RBFOX1: variants seen among roughly 807,000 people sequenced by gnomAD.
RBFOX1 encodes the protein RNA binding protein fox-1 homolog 1.
Under a neutral mutation model 57.7 loss-of-function variants are expected in RBFOX1, and 8 were observed. The observed-to-expected ratio is 0.14, with a 90% confidence interval of 0.08 to 0.25. The LOEUF (loss-of-function observed/expected upper bound fraction) is 0.25. Among genes scored for constraint, RBFOX1 ranks in the 10% least tolerant of loss-of-function variants. The probability of loss-of-function intolerance (pLI) is 1.00; values close to 1 mark genes in which losing one functional copy is unlikely to be tolerated. For synonymous variants in RBFOX1, 326 were observed against 222.4 expected (o/e 1.47, Z -4.15); for missense variants, 611 against 548.5 (o/e 1.11, Z -1.14).
intron 1 of RBFOX1, among the ~76,000 whole-genome samples, chr16:5,265,143 C>G (rs2062827555): frequency 6.6e-6 from 1 of 152,264 alleles, no homozygotes; most frequent in African/African-American, 2.4e-5. Flanking sequence ...ATCTGAGAAT[C>G]TGTAGCTTAG....
intron 3 of RBFOX1, among the ~76,000 whole-genome samples, chr16:6,850,481 T>C (rs2094003127): frequency 6.6e-6 from 1 of 151,990 alleles, no homozygotes; most frequent in Admixed American, 6.6e-5. Context: ...AGGAGACTGA[T>C]TGCCTAAGGT....
intron 5 of RBFOX1, among the ~76,000 whole-genome samples, chr16:7,520,967 C>G (rs1413158375): frequency 1.3e-5 from 2 of 152,170 alleles, no homozygotes; most frequent in Non-Finnish European, 2.9e-5. Context: ...ACAAAATGAT[C>G]TTTACCTCTT....
At chr16:5,938,743 C>T (rs954449092) in intron 4 of RBFOX1, among the ~76,000 whole-genome samples, 1 of 152,144 alleles carries the variant, frequency 6.6e-6, no homozygotes, top group African/African-American at 2.4e-5. Flanking sequence ...TCACAACCTC[C>T]ATAAACAGTC....
chr16:7,528,122 C>G (rs763419352), intron 5 of RBFOX1, among the ~76,000 whole-genome samples: 1 of 152,148 alleles, frequency 6.6e-6, no homozygotes, highest in Non-Finnish European at 1.5e-5. Flanking sequence ...CCAAGGACAT[C>G]TTGCTTTTGC....
At chr16:6,230,310 A>C (rs2152901465) in intron 1 of RBFOX1, among the ~76,000 whole-genome samples, 1 of 152,290 alleles carries the variant, frequency 6.6e-6, no homozygotes, top group East Asian at 1.9e-4. Context: ...AACTCAGTTA[A>C]TAATTATAAC....
At chr16:5,762,819 C>T (rs144263636) in intron 3 of RBFOX1, among the ~76,000 whole-genome samples, 1 of 152,044 alleles carries the variant, frequency 6.6e-6, no homozygotes, top group Non-Finnish European at 1.5e-5. Context: ...TTTCTGATTC[C>T]TCAAGTGAAA....
chr16:5,740,071 C>T (rs1186311253), intron 3 of RBFOX1, among the ~76,000 whole-genome samples: 1 of 152,054 alleles, frequency 6.6e-6, no homozygotes. Flanking sequence ...AACAGAAGCC[C>T]AACGCTTGTT....
intron 12 of RBFOX1, among the ~76,000 whole-genome samples, chr16:7,662,872 G>A (rs1245992377): frequency 2.0e-5 from 3 of 152,240 alleles, no homozygotes; most frequent in Non-Finnish European, 4.4e-5. Flanking sequence ...AGGTTCAGAT[G>A]TCTCAAGTAA....
At chr16:7,097,935 T>C (rs2061977766) in intron 4 of RBFOX1, among the ~76,000 whole-genome samples, 1 of 152,284 alleles carries the variant, frequency 6.6e-6, no homozygotes, top group South Asian at 2.1e-4. Context: ...CACTTTTGGT[T>C]GAGGATCAGA....
At chr16:6,847,619 A>G (rs1053546319) in intron 3 of RBFOX1, among the ~76,000 whole-genome samples, 2 of 152,096 alleles carry the variant, frequency 1.3e-5, no homozygotes, top group African/African-American at 4.8e-5. Flanking sequence ...AAGGGACGTG[A>G]AGAATGGAAG....
intron 2 of RBFOX1, among the ~76,000 whole-genome samples, chr16:6,322,747 G>C (rs558543816): frequency 3.3e-5 from 5 of 152,294 alleles, no homozygotes; most frequent in Admixed American, 3.3e-4. Context: ...GGAAGTGGAA[G>C]AGGTTAAAAG....
chr16:7,097,810 A>G (rs1013591307), intron 4 of RBFOX1, among the ~76,000 whole-genome samples: 1 of 152,230 alleles, frequency 6.6e-6, no homozygotes, highest in Non-Finnish European at 1.5e-5. Flanking sequence ...AAAAGCAGAA[A>G]AATACGAAGT....
intron 3 of RBFOX1, among the ~76,000 whole-genome samples, chr16:6,939,435 T>G (rs1208241636): frequency 6.6e-5 from 10 of 151,950 alleles, no homozygotes; most frequent in Non-Finnish European, 1.5e-4. Context: ...ATAGTAGACA[T>G]CTGTTTTTAT....
intron 10 of RBFOX1, among the ~76,000 whole-genome samples, chr16:7,629,986 C>T (rs192492590): frequency 6.6e-6 from 1 of 152,264 alleles, no homozygotes; most frequent in Admixed American, 6.5e-5. Context: ...TCTTTCTCCG[C>T]CTTACTTCTG....
chr16:6,654,356 C>T (rs566818759), intron 2 of RBFOX1, among the ~76,000 whole-genome samples: 4 of 152,282 alleles, frequency 2.6e-5, no homozygotes, highest in African/African-American at 9.6e-5. Flanking sequence ...GATCCATAGC[C>T]TTTGCCTACA....
In RBFOX1 at chr16:6,859,185, G is replaced by GTA. The variant is rs58752352; in HGVS notation, c.-15-192862_-15-192861dup. ...TATACGTATATATATGTATATATAT[G>GTA]TATATATATATGTATATATATATAT... On this transcript the variant is annotated intron_variant, in intron 3 of 15. Coordinates refer to ENST00000550418, the MANE Select transcript of RBFOX1 (RefSeq NM_018723.4). Among the ~76,000 whole-genome samples the GTA allele has an allele frequency of 2.0e-3, 86 of 43,938 alleles. 2 individuals carry two copies. The highest frequency in any genetic ancestry group is 7.4e-3 in the African/African-American group (81 of 10,924). The allele number at this position is 43,938 out of a possible 152,430, so 28.8% of individuals were successfully genotyped here. A position where few individuals can be genotyped will look rare whatever the true frequency, so the allele number is the denominator to read the frequency against.
chr16:5,776,184 C>G (rs113254857), intron 3 of RBFOX1, among the ~76,000 whole-genome samples: 1 of 152,168 alleles, frequency 6.6e-6, no homozygotes. Flanking sequence ...TGTGTGAAGG[C>G]TGTTTGGGTT....
intron 2 of RBFOX1, among the ~76,000 whole-genome samples, chr16:6,534,479 C>A (rs1250980584): frequency 6.6e-6 from 1 of 152,094 alleles, no homozygotes; most frequent in Non-Finnish European, 1.5e-5. Context: ...TACCTCTAGG[C>A]TGTCCACAAA....
chr16:6,292,034 G>T (rs990539416), intron 1 of RBFOX1, among the ~76,000 whole-genome samples: 1 of 152,022 alleles, frequency 6.6e-6, no homozygotes, highest in Non-Finnish European at 1.5e-5. Flanking sequence ...ATGGCTTTAT[G>T]TCCACTGTCA....
Sources: allele counts gnomAD v4.1 joint callset (sites outside exome capture counted in the v4.1 genomes callset), GRCh38; gene constraint gnomAD v4.1.1; transcripts MANE v1.5; gene names NCBI Gene and HGNC (gene_info 2026-07-23, HGNC 2026-07-21).